PCNT: variants seen among roughly 807,000 people sequenced by gnomAD.
The protein encoded by PCNT is pericentrin, also known as kendrin.
Under a neutral mutation model 380.4 loss-of-function variants are expected in PCNT, and 319 were observed. That is an observed-to-expected ratio of 0.84 (90% CI 0.77 to 0.92). The LOEUF (loss-of-function observed/expected upper bound fraction) is 0.92, where lower values mean the gene tolerates loss of function less well. Among genes scored for constraint, PCNT ranks in the 40% least tolerant of loss-of-function variants. The pLI, the probability that PCNT is intolerant of heterozygous loss-of-function variation, is 0.00. For synonymous variants in PCNT, 1,845 were observed against 1,735.2 expected (o/e 1.06, Z -1.57); for missense variants, 4,400 against 4,255.3 (o/e 1.03, Z -0.95).
Position 46,402,405 on chromosome 21 carries a change from GA to G in PCNT, c.5039del (p.Asn1680ThrfsTer2). 1.9e-6 allele frequency: 3 copies of G among 1,613,352 alleles called. No homozygotes were observed. The highest frequency in any genetic ancestry group is 2.5e-6 in the Non-Finnish European group (3 of 1,179,284). The stretch of plus-strand genomic sequence containing the variant: ...GTAAAAATGAAGAAATACTACATCT[GA>G]ACTTAAAATTGGACATGCAGAACAG... ...ESKNEEILHL[N>X]LKLDMQNSQT... On this transcript the variant is annotated frameshift_variant, in exon 27 of 47. Transcript: ENST00000359568. LOFTEE classifies it high-confidence loss of function.
At chr21:46,359,001 G>A (rs2084586635) in intron 13 of PCNT, among the ~76,000 whole-genome samples, 1 of 151,784 alleles carries the variant, frequency 6.6e-6, no homozygotes, top group Admixed American at 6.6e-5. Context: ...GTAGAGACGA[G>A]GTTTCACCGT....
intron 43 of PCNT, among the ~76,000 whole-genome samples, chr21:46,442,185 G>A (rs1005813701): frequency 1.3e-5 from 2 of 152,176 alleles, no homozygotes; most frequent in African/African-American, 4.8e-5. Context: ...GGCTGACTTT[G>A]AACTGGAGTC....
intron 16 of PCNT, among the ~76,000 whole-genome samples, chr21:46,382,064 T>C (rs1272583793): frequency 2.7e-5 from 4 of 147,072 alleles, no homozygotes; most frequent in African/African-American, 1.0e-4. Flanking sequence ...TTCACCATGT[T>C]GTATATTCAG....
At chr21:46,439,631 C>T (rs555275517) in intron 41 of PCNT, among the ~76,000 whole-genome samples, 124 of 152,312 alleles carry the variant, frequency 8.1e-4, no homozygotes, top group African/African-American at 2.9e-3. Flanking sequence ...GGTACAGACA[C>T]ATCGTTTTTT....
At chr21:46,430,433 C>G (rs1359014290) in intron 36 of PCNT, 74 bp from the exon 37 acceptor site, 1 of 1,530,702 alleles carries the variant, frequency 6.5e-7, no homozygotes, top group Non-Finnish European at 8.8e-7. Context: ...TCTGCCTCCC[C>G]TCCTGGAGCT....
chr21:46,355,911 A>G (rs1412912704), intron 12 of PCNT, among the ~76,000 whole-genome samples: 1 of 152,158 alleles, frequency 6.6e-6, no homozygotes, highest in Non-Finnish European at 1.5e-5. Context: ...CTGGATGGAC[A>G]TGGTGACCAT....
rs1408846702 is a variant in PCNT, at chr21:46,382,222, T to C, written c.3312+382T>C. ...AGATTCAGTGGCGGAAGCGCATTCATAGTGTTCTGCATTCAGTGGCGGAAG... is the reference window on the plus strand; with the variant it reads ...AGATTCAGTGGCGGAAGCGCATTCACAGTGTTCTGCATTCAGTGGCGGAAG... On this transcript the variant is annotated intron_variant, in intron 16 of 46. Coordinates refer to ENST00000359568, the MANE Select transcript of PCNT (RefSeq NM_006031.6). Among the ~76,000 whole-genome samples the C allele has an allele frequency of 4.1e-4, 56 of 138,186 alleles. 1 individual carries two copies. Among genetic ancestry groups the C allele is most frequent in the African/African-American group, 1.4e-3 (52 of 37,566 alleles). 90.7% of individuals were successfully genotyped at this position (138,186 alleles called of 152,430 possible). A position where few individuals can be genotyped will look rare whatever the true frequency, so the allele number is the denominator to read the frequency against.
intron 27 of PCNT, among the ~76,000 whole-genome samples, chr21:46,410,095 T>C (rs2086736580): frequency 6.6e-6 from 1 of 152,258 alleles, no homozygotes; most frequent in Non-Finnish European, 1.5e-5. Flanking sequence ...TTCGCGTGCC[T>C]GTAGAGTACA....
At chr21:46,415,788 T>C (rs1283683132) in intron 29 of PCNT, among the ~76,000 whole-genome samples, 1 of 152,208 alleles carries the variant, frequency 6.6e-6, no homozygotes, top group Non-Finnish European at 1.5e-5. Flanking sequence ...ATTTTGTGTT[T>C]TCGGTGCTCA....
chr21:46,373,917 A>T (rs2085245912), intron 15 of PCNT, among the ~76,000 whole-genome samples: 1 of 151,584 alleles, frequency 6.6e-6, no homozygotes, highest in Non-Finnish European at 1.5e-5. Context: ...TTCAGTAGAA[A>T]CAGCGTTTCA....
At chr21:46,384,204 G>A (rs1479333919) in intron 16 of PCNT, among the ~76,000 whole-genome samples, 5 of 144,958 alleles carry the variant, frequency 3.4e-5, no homozygotes, top group South Asian at 2.3e-4. Flanking sequence ...GCGTTCAGTG[G>A]CAGAAGCGCA....
intron 29 of PCNT, among the ~76,000 whole-genome samples, chr21:46,414,465 C>CCTCCTCCTT (rs906568065): frequency 2.0e-5 from 3 of 148,052 alleles, no homozygotes; most frequent in African/African-American, 7.5e-5. Flanking sequence ...CCCTCCTCCT[C>CCTCCTCCTT]CTGGACACAC....
rs1248268358 is a variant in PCNT at position 46,349,734 on chromosome 21, C to T, written c.1258C>T (p.Arg420Cys). 3.7e-6 allele frequency: 6 copies of T among 1,613,822 alleles called. No homozygotes were observed. Among genetic ancestry groups the T allele is most frequent in the Admixed American group, 1.7e-5 (1 of 60,018 alleles). ...TCATCAAGCAGCCATTGAGAAGTTA[C>T]GTGAAGACCTGCAGTCCGAGCACGG... is the stretch of plus-strand genomic sequence containing the variant. ...SHHQAAIEKL[R>C]EDLQSEHGRC... The change falls in exon 8 of 47, where the codon CGT becomes TGT. Residue 420 changes from arginine (R) to cysteine (C), a missense_variant. Arg to Cys is a radical substitution (Grantham distance 180, BLOSUM62 -3). Transcript: ENST00000359568.
At chr21:46,426,245 G>T (rs570523184) in intron 33 of PCNT, among the ~76,000 whole-genome samples, 1 of 152,080 alleles carries the variant, frequency 6.6e-6, no homozygotes, top group Admixed American at 6.5e-5. Context: ...TCTTAGCTAG[G>T]CTGGTCTTGA....
chr21:46,436,803 A>G (rs2053470380), intron 39 of PCNT, among the ~76,000 whole-genome samples, 176 bp from the exon 40 acceptor site: 1 of 152,208 alleles, frequency 6.6e-6, no homozygotes, highest in South Asian at 2.1e-4. Flanking sequence ...GCGTCCAGCC[A>G]CAGGCCTGTT....
chr21:46,357,741 AT>A (rs1156512672), intron 13 of PCNT, among the ~76,000 whole-genome samples: 1 of 152,090 alleles, frequency 6.6e-6, no homozygotes, highest in Non-Finnish European at 1.5e-5. Flanking sequence ...CTGAGTCAAG[AT>A]TTCTTAGGGA....
intron 19 of PCNT, 112 bp from the exon 20 acceptor site, chr21:46,390,558 T>C (rs2085997286): frequency 8.8e-7 from 1 of 1,142,246 alleles, no homozygotes; most frequent in Non-Finnish European, 1.3e-6. Flanking sequence ...TGGCCCTGCC[T>C]GGGTGGTGAC....
In PCNT at chr21:46,349,705, G is replaced by C. The variant is rs1439140629; in HGVS notation, c.1229G>C (p.Ser410Thr). 6.2e-7 allele frequency: 1 copy of C among 1,613,964 alleles called. No individual in the cohort carries two copies. The highest frequency in any genetic ancestry group is 8.5e-7 in the Non-Finnish European group (1 of 1,179,948). The change falls in exon 8 of 47, where the codon AGT becomes ACT. Residue 410 changes from serine to threonine, a missense_variant. Transcript: ENST00000359568. ...QAERALRNLE[S>T]HHQAAIEKLR... ...CTAGGGGCCCTTAGGAACCTGGAGA[G>C]TCATCATCAAGCAGCCATTGAGAAG...
chr21:46,413,943 C>CCT (rs781312440), intron 29 of PCNT, among the ~76,000 whole-genome samples: 12 of 151,954 alleles, frequency 7.9e-5, no homozygotes, highest in Non-Finnish European at 1.5e-4. Context: ...CAGGAGCTGC[C>CCT]CTCTCCTCAG....
Sources: allele counts gnomAD v4.1 joint callset (sites outside exome capture counted in the v4.1 genomes callset), GRCh38; gene constraint gnomAD v4.1.1; transcripts MANE v1.5; gene names NCBI Gene and HGNC (gene_info 2026-07-23, HGNC 2026-07-21).